The following RYR3 variants were observed in gnomAD, a reference collection of about 807,000 sequenced individuals.
RYR3 encodes ryanodine receptor 3.
A neutral mutation model predicts 584.3 loss-of-function variants in RYR3; 207 were observed. The ratio of observed to expected loss-of-function variants is 0.35; its 90% confidence interval spans 0.32 to 0.40. The LOEUF (loss-of-function observed/expected upper bound fraction) is 0.40. Among genes scored for constraint, RYR3 ranks in the 10% least tolerant of loss-of-function variants. The pLI is 1.00. For missense variants in RYR3, 5,616 were observed against 6,089.2 expected (o/e 0.92, Z 2.59); for synonymous variants, 2,416 against 2,248.5 (o/e 1.07, Z -2.11).
Position 33,685,856 on chromosome 15 carries a change from G to A in RYR3, c.5861-10362G>A, listed in dbSNP as rs1013981709. ...CCTCAATGACTACTGGGTAAATAAC[G>A]AAATTAAAGCAGAAATAACGATGTT... On this transcript the variant is annotated intron_variant, in intron 38 of 103. Coordinates refer to ENST00000634891, the MANE Select transcript of RYR3 (RefSeq NM_001036.6). Among the ~76,000 whole-genome samples, 9 of 152,134 alleles carry A rather than the reference G, an allele frequency of 5.9e-5. No homozygotes were observed. The South Asian group carries it at 8.3e-4, about 14-fold the overall frequency.
chr15:33,435,397 T>G (rs2045592373), intron 1 of RYR3, among the ~76,000 whole-genome samples: 2 of 152,230 alleles, frequency 1.3e-5, no homozygotes. Context: ...TCTGTGGCAT[T>G]CCAGTGTATA....
At position 33,332,778 on chromosome 15, in the gene RYR3, A is replaced by G. The variant is rs144505685; in HGVS notation, c.51+21682A>G. Among the ~76,000 whole-genome samples the G allele has an allele frequency of 5.9e-3, 902 of 152,254 alleles. 7 individuals are homozygous for G. The highest frequency in any genetic ancestry group is 0.021 in the African/African-American group (859 of 41,574). On this transcript the variant is annotated intron_variant, in intron 1 of 103. Coordinates refer to ENST00000634891, the MANE Select transcript of RYR3 (RefSeq NM_001036.6). The stretch of plus-strand genomic sequence containing the variant: ...TTCAGAAGAGTTATGAAAATACCAT[A>G]TAGCAAAATATATGTGTTGTAGCTC...
Position 33,658,668 on chromosome 15 carries a change from G to A in RYR3, c.4309-1052G>A, listed in dbSNP as rs1295179112. On this transcript the variant is annotated intron_variant, in intron 32 of 103. Coordinates refer to ENST00000634891, the MANE Select transcript of RYR3 (RefSeq NM_001036.6). Reference sequence around the variant, plus strand: ...GTGGAATTAAAGTCCCAGTGTGTGAGCAGACTTTATGTAGTCTTCCATCAT... The same window carrying A: ...GTGGAATTAAAGTCCCAGTGTGTGAACAGACTTTATGTAGTCTTCCATCAT... 3.9e-5 allele frequency among the ~76,000 whole-genome samples: 6 copies of A among 152,192 alleles called. No homozygotes were observed. The South Asian group carries it at 1.0e-3, about 26-fold the overall frequency.
chr15:33,785,842 CT>C lies in RYR3; in HGVS notation c.9450del (p.Glu3151ArgfsTer27). On this transcript the variant is annotated frameshift_variant, in exon 66 of 104. Coordinates refer to ENST00000634891, the MANE Select transcript of RYR3 (RefSeq NM_001036.6). LOFTEE classifies it high-confidence loss of function. ...NYLSYWWERG[P>X]ENLPPSTGPC... ...TTGTCCTACTGGTGGGAGCGGGGTC[CT>C]GAGAACCTGCCCCCCAGCACAGGGC... The C allele has an allele frequency of 1.2e-6, 2 of 1,613,908 alleles. No individual in the cohort carries two copies. The highest frequency in any genetic ancestry group is 1.7e-6 in the Non-Finnish European group (2 of 1,179,868).
intron 94 of RYR3, chr15:33,852,347 C>T (rs541652462): frequency 6.6e-6 from 1 of 152,134 alleles, no homozygotes; most frequent in African/African-American, 2.4e-5. Flanking sequence ...TTAACTTTAA[C>T]AGTAAGAAAT....
chr15:33,400,686 T>C (rs2042601966), intron 1 of RYR3, among the ~76,000 whole-genome samples: 2 of 152,190 alleles, frequency 1.3e-5, no homozygotes, highest in African/African-American at 4.8e-5. Flanking sequence ...GCTTGCTTTT[T>C]ATAGAGTCTT....
Position 33,861,165 on chromosome 15 carries a change from T to G in RYR3, c.14452T>G (p.Leu4818Val). 1 of 1,588,888 alleles carries G rather than the reference T, an allele frequency of 6.3e-7. No homozygotes were observed. Among genetic ancestry groups the G allele is most frequent in the Non-Finnish European group, 8.6e-7 (1 of 1,166,134 alleles). ...FETHTLQEHN[L>V]ANYLFFLMYL... ...AACACATACATTACAAGAGCACAACTTAGCCAACTACTTGTGAGTATTCTT... is the reference window on the plus strand; with the variant it reads ...AACACATACATTACAAGAGCACAACGTAGCCAACTACTTGTGAGTATTCTT... Residue 4818 changes from leucine (L) to valine (V), a missense_variant, in exon 102 of 104, where the codon TTA becomes GTA. Physicochemically the swap from Leu to Val is conservative, Grantham distance 32 (BLOSUM62 1). Transcript: ENST00000634891.
intron 1 of RYR3, chr15:33,467,498 A>G: frequency 1.0e-6 from 1 of 984,442 alleles, no homozygotes; most frequent in Non-Finnish European, 1.2e-6. Flanking sequence ...GGTATAAGAA[A>G]GAAAGCTGTA....
intron 42 of RYR3, among the ~76,000 whole-genome samples, chr15:33,701,791 G>A (rs1384610899): frequency 6.6e-6 from 1 of 152,152 alleles, no homozygotes; most frequent in Non-Finnish European, 1.5e-5. Context: ...GTCATGACTT[G>A]AGGGATGAGT....
chr15:33,864,919 T>C, intron 103 of RYR3: 1 of 506,484 alleles, frequency 2.0e-6, no homozygotes, highest in Non-Finnish European at 3.5e-6. Context: ...AGGGGGATTT[T>C]TCTCCTTCCC....
At chr15:33,792,376 G>A (rs1478999855) in intron 67 of RYR3, among the ~76,000 whole-genome samples, 1 of 152,092 alleles carries the variant, frequency 6.6e-6, no homozygotes, top group Non-Finnish European at 1.5e-5. Context: ...TCCTTCAGGA[G>A]GGGCACCCAG....
intron 1 of RYR3, among the ~76,000 whole-genome samples, chr15:33,394,514 AC>A (rs2042186173): frequency 6.6e-6 from 1 of 152,124 alleles, no homozygotes; most frequent in East Asian, 1.9e-4. Flanking sequence ...GGTATGGAAC[AC>A]CCTGTTTTCC....
At chr15:33,650,800 A>G (rs1261569527) in intron 31 of RYR3, among the ~76,000 whole-genome samples, 1 of 152,202 alleles carries the variant, frequency 6.6e-6, no homozygotes, top group African/African-American at 2.4e-5. Context: ...CTATAAGTGG[A>G]CCCACATATA....
At chr15:33,761,461 A>G (rs1163563281) in intron 60 of RYR3, among the ~76,000 whole-genome samples, 1 of 152,268 alleles carries the variant, frequency 6.6e-6, no homozygotes, top group Non-Finnish European at 1.5e-5. Context: ...GTTAGAGAAT[A>G]CTACAAACAC....
intron 99 of RYR3, 91 bp from the exon 100 acceptor site, chr15:33,859,484 C>G: frequency 1.4e-6 from 2 of 1,473,196 alleles, no homozygotes; most frequent in Non-Finnish European, 9.4e-7. Context: ...AGGGCTGCCA[C>G]AATCTGACCG....
At chr15:33,761,282 G>GA (rs2072409829) in intron 60 of RYR3, among the ~76,000 whole-genome samples, 2 of 151,376 alleles carry the variant, frequency 1.3e-5, no homozygotes, top group South Asian at 4.2e-4. Flanking sequence ...ATAGAGACAC[G>GA]AAAAACCCTT....
At chr15:33,812,484 A>G (rs2076604209) in intron 72 of RYR3, among the ~76,000 whole-genome samples, 2 of 152,212 alleles carry the variant, frequency 1.3e-5, no homozygotes, top group Admixed American at 1.3e-4. Context: ...ATGGGTTTGA[A>G]AAAAGACTTC....
chr15:33,676,185 T>G (rs2064165616), intron 38 of RYR3, among the ~76,000 whole-genome samples: 1 of 150,402 alleles, frequency 6.6e-6, no homozygotes, highest in Non-Finnish European at 1.5e-5. Context: ...GGGTGTGGCT[T>G]AAATTTCCTG....
At chr15:33,835,925 T>G (rs1381344591) in intron 87 of RYR3, among the ~76,000 whole-genome samples, 1 of 152,132 alleles carries the variant, frequency 6.6e-6, no homozygotes, top group Non-Finnish European at 1.5e-5. Context: ...CACTTTCCCT[T>G]TCTGGTTTTG....
Sources: allele counts gnomAD v4.1 joint callset (sites outside exome capture counted in the v4.1 genomes callset), GRCh38; gene constraint gnomAD v4.1.1; transcripts MANE v1.5; gene names NCBI Gene and HGNC (gene_info 2026-07-23, HGNC 2026-07-21).